DCDC1: variants seen among roughly 807,000 people sequenced by gnomAD.
The protein encoded by DCDC1 is doublecortin domain-containing protein 1.
A neutral mutation model predicts 178.3 loss-of-function variants in DCDC1; 200 were observed. That is an observed-to-expected ratio of 1.12 (90% CI 1.00 to 1.26). The LOEUF (loss-of-function observed/expected upper bound fraction) is 1.26, where lower values mean the gene tolerates loss of function less well. Among genes scored for constraint, DCDC1 ranks in the 50% most tolerant of loss-of-function variants. DCDC1 has a pLI of 0.00. For synonymous variants in DCDC1, 690 were observed against 604.8 expected, an observed-to-expected ratio of 1.14 and a Z score of -2.07; for missense variants, 1,983 against 1,749.2, an observed-to-expected ratio of 1.13 and a Z score of -2.38.
At chr11:31,221,732 G>C (rs530338021) in intron 9 of DCDC1, among the ~76,000 whole-genome samples, 1 of 152,144 alleles carries the variant, frequency 6.6e-6, no homozygotes, top group African/African-American at 2.4e-5. Flanking sequence ...TTTATCAAAG[G>C]GTTGCTCAGC....
intron 7 of DCDC1, among the ~76,000 whole-genome samples, chr11:31,281,975 TG>T (rs1311962724): frequency 1.3e-5 from 2 of 152,308 alleles, no homozygotes; most frequent in East Asian, 3.9e-4. Flanking sequence ...TTGATCATGA[TG>T]TATTGTTGGA....
intron 9 of DCDC1, among the ~76,000 whole-genome samples, chr11:31,200,923 T>C (rs752197084): frequency 3.1e-4 from 47 of 152,028 alleles, no homozygotes; most frequent in Non-Finnish European, 4.4e-4. Context: ...CCCTAGCACA[T>C]TGAGTATTAC....
intron 24 of DCDC1, 129 bp from the exon 25 acceptor site, chr11:30,921,064 T>C (rs1352274980): frequency 2.3e-6 from 2 of 860,706 alleles, no homozygotes; most frequent in Non-Finnish European, 3.3e-6. Context: ...AGGTTACTTA[T>C]TAAACTCAGT....
chr11:31,149,584 T>C (rs566140393), intron 9 of DCDC1, among the ~76,000 whole-genome samples: 4 of 152,220 alleles, frequency 2.6e-5, no homozygotes, highest in African/African-American at 9.6e-5. Flanking sequence ...TCACAATTAA[T>C]GTTGCTGCTG....
At chr11:31,108,048 C>T (rs192634868) in intron 12 of DCDC1, among the ~76,000 whole-genome samples, 186 of 152,264 alleles carry the variant, frequency 1.2e-3, no homozygotes, top group African/African-American at 4.2e-3. Flanking sequence ...AAGGGAAAGT[C>T]ACAGGTCTTC....
At chr11:31,368,200 T>C (rs1424661915) in intron 1 of DCDC1, among the ~76,000 whole-genome samples, 1 of 152,242 alleles carries the variant, frequency 6.6e-6, no homozygotes. Flanking sequence ...AAATATTTGG[T>C]ATTGCTGGGG....
At chr11:30,897,403 A>G (rs965055839) in intron 34 of DCDC1, among the ~76,000 whole-genome samples, 2 of 152,032 alleles carry the variant, frequency 1.3e-5, no homozygotes, top group Non-Finnish European at 2.9e-5. Flanking sequence ...CCTGGCTAAC[A>G]CGGTGAAACC....
At chr11:31,178,973 G>A (rs1968433685) in intron 9 of DCDC1, among the ~76,000 whole-genome samples, 1 of 152,076 alleles carries the variant, frequency 6.6e-6, no homozygotes, top group East Asian at 1.9e-4. Context: ...CTACAGATGT[G>A]AGCCACCGCG....
chr11:30,971,014 C>T (rs1465566918), intron 20 of DCDC1, among the ~76,000 whole-genome samples: 2 of 152,140 alleles, frequency 1.3e-5, no homozygotes, highest in Admixed American at 6.5e-5. Flanking sequence ...ACAGCTGGTG[C>T]GCCCACACAC....
In DCDC1 at chr11:30,878,644, G is replaced by A; in HGVS notation, c.5301C>T (p.Ala1767=). ...TGGATGGTGACACCACAATGTCTGT[G>A]GCTTGAGGGCCCTGCTGCCTTCGGA... is the stretch of plus-strand genomic sequence containing the variant. ...ARIRRQQGPQ[A]TDIVVSPSTK... is the part of the protein sequence containing the mutation. The change falls in exon 38 of 39, where the codon GCC becomes GCT. Residue 1767 remains alanine, a synonymous_variant. Transcript: ENST00000684477. 6.2e-7 allele frequency: 1 copy of A among 1,611,492 alleles called. No individual in the cohort carries two copies. Among genetic ancestry groups the A allele is most frequent in the South Asian group, 1.1e-5 (1 of 90,900 alleles).
Position 31,318,831 on chromosome 11 carries a change from G to T in DCDC1, c.164+9286C>A, listed in dbSNP as rs1181416015. ...TTTCCCTCTACACACTGTTTTGAACGCGTCCCAGAGATTCTGGTATGTGGT... is the reference window on the plus strand; with the variant it reads ...TTTCCCTCTACACACTGTTTTGAACTCGTCCCAGAGATTCTGGTATGTGGT... On this transcript the variant is annotated intron_variant, in intron 3 of 38. Coordinates refer to ENST00000684477, the MANE Select transcript of DCDC1 (RefSeq NM_001387274.1). Among the ~76,000 whole-genome samples, 2 of 64,946 alleles carry T rather than the reference G, an allele frequency of 3.1e-5. 1 individual carries two copies. Among genetic ancestry groups the T allele is most frequent in the Non-Finnish European group, 5.4e-5 (2 of 36,996 alleles). The allele number at this position is 64,946 out of a possible 152,430, so 42.6% of individuals were successfully genotyped here.
At chr11:31,050,464 G>C (rs1258971045) in intron 20 of DCDC1, among the ~76,000 whole-genome samples, 1 of 152,092 alleles carries the variant, frequency 6.6e-6, no homozygotes, top group Non-Finnish European at 1.5e-5. Flanking sequence ...GAAGTTCTAG[G>C]GTCCCACCCA....
intron 36 of DCDC1, among the ~76,000 whole-genome samples, chr11:30,891,529 A>C (rs893386966): frequency 1.3e-5 from 2 of 152,316 alleles, no homozygotes; most frequent in African/African-American, 2.4e-5. Context: ...GAAATTTATC[A>C]GTTCTAGGTG....
chr11:30,950,267 C>G (rs1053247802), intron 21 of DCDC1, among the ~76,000 whole-genome samples: 1 of 152,130 alleles, frequency 6.6e-6, no homozygotes, highest in African/African-American at 2.4e-5. Context: ...TTAGTACAGC[C>G]ATTATGGAGA....
chr11:31,014,169 C>G (rs1257535257), intron 20 of DCDC1, among the ~76,000 whole-genome samples: 2 of 152,136 alleles, frequency 1.3e-5, no homozygotes, highest in East Asian at 3.9e-4. Context: ...GGAACAGACA[C>G]CAGAGACATA....
chr11:31,180,318 A>T (rs1439124560), intron 9 of DCDC1, among the ~76,000 whole-genome samples: 1 of 152,198 alleles, frequency 6.6e-6, no homozygotes, highest in Non-Finnish European at 1.5e-5. Context: ...GAAATAATTA[A>T]TGTATGACAT....
At chr11:31,235,404 A>G (rs1489403658) in intron 9 of DCDC1, among the ~76,000 whole-genome samples, 7 of 149,114 alleles carry the variant, frequency 4.7e-5, no homozygotes, top group Non-Finnish European at 7.5e-5. Context: ...AGTTGAGTAG[A>G]AAAAAAAAAC....
chr11:31,180,437 TCTG>T (rs1353364620), intron 9 of DCDC1, among the ~76,000 whole-genome samples: 1 of 152,128 alleles, frequency 6.6e-6, no homozygotes, highest in African/African-American at 2.4e-5. Flanking sequence ...ACAGCTCCGG[TCTG>T]CAGCTCTCAG....
At chr11:30,915,366 G>T in intron 27 of DCDC1, 145 bp downstream of exon 27, 1 of 789,530 alleles carries the variant, frequency 1.3e-6, no homozygotes, top group Non-Finnish European at 2.0e-6. Flanking sequence ...CCTCTTCTTT[G>T]GCTAGGATAA....
Sources: allele counts gnomAD v4.1 joint callset (sites outside exome capture counted in the v4.1 genomes callset), GRCh38; gene constraint gnomAD v4.1.1; transcripts MANE v1.5; gene names NCBI Gene and HGNC (gene_info 2026-07-23, HGNC 2026-07-21).